SDK1: variants seen among roughly 807,000 people sequenced by gnomAD.
SDK1 encodes protein sidekick-1.
SDK1 carries 157 observed loss-of-function variants against 245.5 expected under a neutral mutation model. The ratio of observed to expected loss-of-function variants is 0.64; its 90% CI spans 0.56 to 0.73. The LOEUF (loss-of-function observed/expected upper bound fraction) is 0.73, where lower values mean the gene tolerates loss of function less well. Among genes scored for constraint, SDK1 ranks in the 30% least tolerant of loss-of-function variants. SDK1 has a pLI of 0.00. For synonymous variants in SDK1, 1,647 were observed against 1,278.5 expected, an observed-to-expected ratio of 1.29 and a Z score of -6.15; for missense variants, 3,583 against 3,002.3, an observed-to-expected ratio of 1.19 and a Z score of -4.52.
chr7:3,698,873 T>C (rs1784656237), intron 4 of SDK1, among the ~76,000 whole-genome samples: 1 of 152,194 alleles, frequency 6.6e-6, no homozygotes, highest in Non-Finnish European at 1.5e-5. Context: ...CTAAATGCCA[T>C]CTCATTAGAG....
At chr7:4,163,569 A>C (rs1024403239) in intron 32 of SDK1, among the ~76,000 whole-genome samples, 8 of 152,156 alleles carry the variant, frequency 5.3e-5, no homozygotes, top group Non-Finnish European at 1.2e-4. Context: ...CAGAAGGGCC[A>C]CTCCAAGGGA....
chr7:3,938,458 C>T (rs549179422), intron 5 of SDK1, among the ~76,000 whole-genome samples: 11 of 152,044 alleles, frequency 7.2e-5, no homozygotes, highest in East Asian at 1.9e-4. Context: ...CTGGCGAACA[C>T]GGTGAAACCC....
chr7:3,600,434 G>A (rs947983377), intron 1 of SDK1, among the ~76,000 whole-genome samples: 7 of 151,748 alleles, frequency 4.6e-5, no homozygotes, highest in African/African-American at 1.7e-4. Flanking sequence ...ATTCAGTGGC[G>A]AGACCTTCCT....
At chr7:4,118,455 T>C (rs1258717856) in intron 25 of SDK1, among the ~76,000 whole-genome samples, 3 of 152,236 alleles carry the variant, frequency 2.0e-5, no homozygotes, top group African/African-American at 7.2e-5. Flanking sequence ...CATAGAGAAA[T>C]TGGAATGCTT....
intron 1 of SDK1, among the ~76,000 whole-genome samples, chr7:3,437,590 C>T (rs1284923603): frequency 6.6e-6 from 1 of 151,982 alleles, no homozygotes; most frequent in Non-Finnish European, 1.5e-5. Flanking sequence ...TGGGCAACAG[C>T]AAGACCCCTT....
Position 3,655,448 on chromosome 7 carries a change from AATATATATATATATATATATATATATAT to A in SDK1, c.713+13372_713+13399del, listed in dbSNP as rs1194322286. On this transcript the variant is annotated intron_variant, in intron 4 of 44. Coordinates refer to ENST00000404826, the MANE Select transcript of SDK1 (RefSeq NM_152744.4). ...AACTGTCTAAAAACAAAACAAAACA[AATATATATATATATATATATATATATAT>A]ATATATATATATATATATATATATA... 1.6e-3 allele frequency among the ~76,000 whole-genome samples: 109 copies of A among 66,336 alleles called. 1 individual carries two copies. Among genetic ancestry groups the A allele is most frequent in the African/African-American group, 4.5e-3 (60 of 13,392 alleles). The allele number at this position is 66,336 out of a possible 152,430, so 43.5% of individuals were successfully genotyped here. A position where few individuals can be genotyped will look rare whatever the true frequency, so the allele number is the denominator to read the frequency against.
intron 2 of SDK1, among the ~76,000 whole-genome samples, chr7:3,623,649 T>C (rs190398541): frequency 3.0e-4 from 45 of 152,328 alleles, no homozygotes; most frequent in Non-Finnish European, 4.6e-4. Flanking sequence ...TGCATAGATA[T>C]CTTAGGTGGA....
chr7:4,131,108 C>T (rs922989900), intron 27 of SDK1, among the ~76,000 whole-genome samples: 1 of 152,138 alleles, frequency 6.6e-6, no homozygotes, highest in Admixed American at 6.5e-5. Flanking sequence ...GTGTTGTTTC[C>T]TTGCAAAACT....
At chr7:3,986,393 C>T (rs762274858) in intron 13 of SDK1, among the ~76,000 whole-genome samples, 2 of 152,114 alleles carry the variant, frequency 1.3e-5, no homozygotes, top group South Asian at 2.1e-4. Flanking sequence ...TCAATAAATG[C>T]GGCAACTGTG....
At chr7:3,600,385 G>A (rs996880283) in intron 1 of SDK1, among the ~76,000 whole-genome samples, 14 of 151,968 alleles carry the variant, frequency 9.2e-5, no homozygotes, top group Non-Finnish European at 1.6e-4. Context: ...AACAATTTTA[G>A]TTCTTTCCTT....
At position 4,164,660 on chromosome 7, in the gene SDK1, T is replaced by C. The variant is rs149669637; in HGVS notation, c.4800+2804T>C. On this transcript the variant is annotated intron_variant, in intron 32 of 44. Transcript: ENST00000404826. ...CTATAAAGGCAGTGAGCATCAGGGCTGGGATGCGTCACCTCCTCCAAACAA... is the reference window on the plus strand; with the variant it reads ...CTATAAAGGCAGTGAGCATCAGGGCCGGGATGCGTCACCTCCTCCAAACAA... Among the ~76,000 whole-genome samples the C allele has an allele frequency of 2.4e-3, 371 of 152,332 alleles. 1 individual carries two copies. Among genetic ancestry groups the C allele is most frequent in the African/African-American group, 8.7e-3 (360 of 41,578 alleles).
Position 3,842,046 on chromosome 7 carries a change from C to A in SDK1, c.847+20463C>A, listed in dbSNP as rs575344684. 4.6e-5 allele frequency among the ~76,000 whole-genome samples: 7 copies of A among 152,316 alleles called. No individual in the cohort carries two copies. In the East Asian group the frequency reaches 1.4e-3, roughly 29 times the overall value. On this transcript the variant is annotated intron_variant, in intron 5 of 44. Coordinates refer to ENST00000404826, the MANE Select transcript of SDK1 (RefSeq NM_152744.4). The stretch of plus-strand genomic sequence containing the variant: ...CCTCAGGGGTAAGGGATCCTTTTAA[C>A]CAGCTGGCAGGAAACTAAAAACTTG...
chr7:4,197,567 G>C (rs1041984638), intron 35 of SDK1, among the ~76,000 whole-genome samples: 1 of 152,224 alleles, frequency 6.6e-6, no homozygotes, highest in South Asian at 2.1e-4. Context: ...CTAATAGCCA[G>C]CCGGGCTGGG....
At chr7:3,802,515 G>A (rs115661068) in intron 4 of SDK1, among the ~76,000 whole-genome samples, 3,067 of 151,718 alleles carry the variant, frequency 0.02, 113 homozygotes, top group African/African-American at 0.07. Flanking sequence ...AACCTGGGGA[G>A]CAGAATGAGA....
At chr7:3,585,275 C>T (rs1227399999) in intron 1 of SDK1, among the ~76,000 whole-genome samples, 1 of 152,092 alleles carries the variant, frequency 6.6e-6, no homozygotes, top group Non-Finnish European at 1.5e-5. Context: ...TTAAGAGTGG[C>T]TGGTTTTGTA....
At chr7:3,915,875 T>C (rs1245313775) in intron 5 of SDK1, among the ~76,000 whole-genome samples, 1 of 152,206 alleles carries the variant, frequency 6.6e-6, no homozygotes, top group African/African-American at 2.4e-5. Flanking sequence ...ACTTACTTTT[T>C]TATTTAGTGA....
chr7:3,862,436 G>C (rs1176191658), intron 5 of SDK1, among the ~76,000 whole-genome samples: 1 of 152,176 alleles, frequency 6.6e-6, no homozygotes, highest in Non-Finnish European at 1.5e-5. Flanking sequence ...TTTTGACAAT[G>C]TCTTCTTTTT....
Position 3,975,499 on chromosome 7 carries a change from G to A in SDK1, c.1994+954G>A, listed in dbSNP as rs773053950. 5.3e-5 allele frequency among the ~76,000 whole-genome samples: 8 copies of A among 152,198 alleles called. 1 individual carries two copies. Among genetic ancestry groups the A allele is most frequent in the Admixed American group, 2.6e-4 (4 of 15,280 alleles). On this transcript the variant is annotated intron_variant, in intron 13 of 44. Transcript: ENST00000404826. The stretch of plus-strand genomic sequence containing the variant: ...CCCACAAATAGAATTTGAACACTCC[G>A]AGTATAGGAGCCGTGACTCATTGAT...
intron 17 of SDK1, among the ~76,000 whole-genome samples, chr7:4,048,643 C>G (rs1789205022): frequency 6.6e-6 from 1 of 152,202 alleles, no homozygotes; most frequent in African/African-American, 2.4e-5. Flanking sequence ...ATGAGGCCCT[C>G]CAGCCCTCCC....
Sources: allele counts gnomAD v4.1 joint callset (sites outside exome capture counted in the v4.1 genomes callset), GRCh38; gene constraint gnomAD v4.1.1; transcripts MANE v1.5; gene names NCBI Gene and HGNC (gene_info 2026-07-23, HGNC 2026-07-21).